Variants in POFUT4 observed in about 807,000 individuals in gnomAD.
POFUT4 encodes protein O-fucosyltransferase 4.
chr10:73,773,647 G>T, the POFUT4 span: 1 of 1,614,158 alleles, frequency 6.2e-7, no homozygotes, highest in African/African-American at 1.3e-5. Flanking sequence ...GGCTTCGAGT[G>T]TTTCGTCTGT....
At chr10:73,776,066 A>G in the POFUT4 span, 1 of 191,548 alleles carries the variant, frequency 5.2e-6, no homozygotes, top group South Asian at 1.2e-4. Flanking sequence ...TCTATTCCCC[A>G]GACTCCTCAT....
chr10:73,772,899 AT>A, the POFUT4 span: 1 of 1,611,560 alleles, frequency 6.2e-7, no homozygotes, highest in African/African-American at 1.3e-5. Flanking sequence ...GGGACCGCCT[AT>A]CTGCGCCGCC....
the POFUT4 span, chr10:73,773,448 C>T: frequency 1.2e-6 from 2 of 1,614,112 alleles, no homozygotes; most frequent in Admixed American, 3.3e-5. Flanking sequence ...CTCCGTCATC[C>T]TGATTGATGA....
At chr10:73,772,352 A>C in the POFUT4 span, 1 of 1,479,360 alleles carries the variant, frequency 6.8e-7, no homozygotes, top group Non-Finnish European at 8.9e-7. Context: ...CGGCCCCATT[A>C]GGGTGGTGTT....
the POFUT4 span, chr10:73,773,685 G>C: frequency 1.2e-6 from 2 of 1,614,132 alleles, no homozygotes; most frequent in African/African-American, 2.7e-5. Context: ...GCTGGATGCC[G>C]AGAAAGCCCA....
the POFUT4 span, chr10:73,773,084 G>A: frequency 6.5e-7 from 1 of 1,535,824 alleles, no homozygotes; most frequent in South Asian, 1.2e-5. Context: ...GAGAGGGCGG[G>A]TTGAGGCCAG....
the POFUT4 span, among the ~76,000 whole-genome samples, chr10:73,777,585 G>T: frequency 1.4e-5 from 2 of 147,076 alleles, no homozygotes; most frequent in South Asian, 2.1e-4. Context: ...ATGGAGTTTC[G>T]CTCTTGTTGC....
chr10:73,775,255 CTGCTT>C, the POFUT4 span: 1 of 654,484 alleles, frequency 1.5e-6, no homozygotes, highest in Non-Finnish European at 2.7e-6. Context: ...AGTCTGGCCT[CTGCTT>C]TGCCTGCCTC....
chr10:73,775,865 G>T, the POFUT4 span: 1 of 630,008 alleles, frequency 1.6e-6, no homozygotes, highest in Non-Finnish European at 2.7e-6. Context: ...CTAACATAGG[G>T]CCTCTCCTCA....
chr10:73,772,516 C>T, the POFUT4 span: 3 of 1,563,872 alleles, frequency 1.9e-6, no homozygotes, highest in South Asian at 1.2e-5. Context: ...TGACGCGCAG[C>T]TCTGGGACGC....
the POFUT4 span, chr10:73,772,385 G>A: frequency 6.4e-7 from 1 of 1,564,840 alleles, no homozygotes. Flanking sequence ...GGTGCTCAGT[G>A]TCTGTGCAGC....
the POFUT4 span, chr10:73,772,407 G>A: frequency 1.3e-6 from 2 of 1,572,266 alleles, no homozygotes; most frequent in Non-Finnish European, 1.7e-6. Context: ...AGCGGCCATG[G>A]GTCCGTAGCG....
the POFUT4 span, chr10:73,775,300 G>T: frequency 3.2e-6 from 3 of 934,492 alleles, no homozygotes; most frequent in African/African-American, 4.9e-5. Context: ...GGAGCCAGAA[G>T]CAGGCAAGTC....
the POFUT4 span, chr10:73,775,790 TC>T: frequency 8.4e-7 from 1 of 1,194,162 alleles, no homozygotes; most frequent in Non-Finnish European, 1.2e-6. Context: ...CACTGTCTTT[TC>T]ATGGATTCAA....
the POFUT4 span, chr10:73,779,934 G>C: frequency 1.3e-5 from 2 of 152,118 alleles, no homozygotes; most frequent in East Asian, 3.8e-4. Context: ...CACCATATAC[G>C]TACTCACAAA....
the POFUT4 span, chr10:73,773,813 C>T: frequency 6.4e-7 from 1 of 1,567,112 alleles, no homozygotes. Context: ...CTGAGAATGA[C>T]AGGTAAGAGT....
the POFUT4 span, chr10:73,772,751 C>T: frequency 6.2e-7 from 1 of 1,603,830 alleles, no homozygotes; most frequent in Non-Finnish European, 8.5e-7. Context: ...CCTGGCGCAC[C>T]AGAGCTGGGC....
At chr10:73,773,700 G>C in the POFUT4 span, 7 of 1,614,130 alleles carry the variant, frequency 4.3e-6, no homozygotes, top group African/African-American at 9.3e-5. Flanking sequence ...AGCCCACGCG[G>C]CCTCTCCCGG....
the POFUT4 span, chr10:73,772,654 G>T: frequency 1.9e-6 from 3 of 1,555,870 alleles, no homozygotes; most frequent in Admixed American, 1.9e-5. Context: ...TGGCGTCCCG[G>T]AACCGCCGAG....
Sources: gnomAD v4.1 joint callset for allele counts (sites outside exome capture counted in the v4.1 genomes callset) on GRCh38, gnomAD v4.1.1 for gene constraint, MANE v1.5 for transcripts, NCBI Gene and HGNC (gene_info 2026-07-23, HGNC 2026-07-21) for gene names.